IL2RB: variants seen among roughly 807,000 people sequenced by gnomAD.
IL2RB encodes the protein interleukin-2 receptor subunit beta.
Under a neutral mutation model 44.2 loss-of-function variants are expected in IL2RB, and 17 were observed. That is an observed-to-expected ratio of 0.38 (90% CI 0.26 to 0.58). The LOEUF (loss-of-function observed/expected upper bound fraction) is 0.58. IL2RB is among the 20% of genes least tolerant of loss of function. The pLI, the probability that IL2RB is intolerant of heterozygous loss-of-function variation, is 0.63. For synonymous variants in IL2RB, 286 were observed against 297.9 expected (o/e 0.96, Z 0.41); for missense variants, 624 against 685.5 (o/e 0.91, Z 1.00).
chr22:37,140,213 C>G (rs1410370778), intron 4 of IL2RB, among the ~76,000 whole-genome samples: 1 of 152,058 alleles, frequency 6.6e-6, no homozygotes, highest in African/African-American at 2.4e-5. Flanking sequence ...CAGTTCCTCT[C>G]CACCCTATAG....
intron 1 of IL2RB, among the ~76,000 whole-genome samples, chr22:37,158,476 T>A (rs1312087537): frequency 6.6e-6 from 1 of 152,038 alleles, no homozygotes; most frequent in Admixed American, 6.6e-5. Flanking sequence ...AAGAATCACT[T>A]GAACCCGGGA....
Position 37,144,700 on chromosome 22 carries a change from C to T in IL2RB, c.-33-495G>A, listed in dbSNP as rs190927177. Among the ~76,000 whole-genome samples the T allele has an allele frequency of 1.5e-4, 23 of 152,252 alleles. 1 individual carries two copies. The East Asian group carries it at 3.7e-3, about 24-fold the overall frequency. On this transcript the variant is annotated intron_variant, in intron 1 of 9. Coordinates refer to ENST00000216223, the MANE Select transcript of IL2RB (RefSeq NM_000878.5). The stretch of plus-strand genomic sequence containing the variant: ...CGGAGTTTGCAGTGAACCGAGATGG[C>T]ACCACTGCACTCCAGCCTGGACGAC...
intron 4 of IL2RB, 58 bp downstream of exon 4, chr22:37,142,376 A>C: frequency 6.6e-7 from 1 of 1,504,782 alleles, no homozygotes; most frequent in East Asian, 2.3e-5. Context: ...CTGAGATCGC[A>C]GCCCGGAGCT....
upstream of IL2RB, among the ~76,000 whole-genome samples, chr22:37,152,929 C>CTTTTTTTTTTTTTTT (rs67046193): frequency 1.1e-5 from 1 of 86,982 alleles, no homozygotes. Context: ...GCTGTGGCCT[C>CTTTTTTTTTTTTTTT]TTTTTTTTTT....
chr22:37,152,585 G>A (rs1248554951), upstream of IL2RB, among the ~76,000 whole-genome samples: 3 of 152,032 alleles, frequency 2.0e-5, no homozygotes, highest in Non-Finnish European at 2.9e-5. Flanking sequence ...GTTTGTTCTA[G>A]CTAGCACTTC....
intron 1 of IL2RB, among the ~76,000 whole-genome samples, chr22:37,158,417 C>T (rs960837744): frequency 6.6e-6 from 1 of 152,072 alleles, no homozygotes; most frequent in African/African-American, 2.4e-5. Flanking sequence ...ATTAGCCGGG[C>T]GTGGTGGTGG....
chr22:37,132,556 G>T, intron 8 of IL2RB, 88 bp from the exon 9 acceptor site: 1 of 842,232 alleles, frequency 1.2e-6, no homozygotes, highest in Non-Finnish European at 2.0e-6. Context: ...TGGATGCCAG[G>T]CACGGAGCCG....
In IL2RB at chr22:37,136,422, C is replaced by T. The variant is rs1249194554; in HGVS notation, c.538-29G>A. On this transcript the variant is annotated intron_variant, in intron 6 of 9. Coordinates refer to ENST00000216223, the MANE Select transcript of IL2RB (RefSeq NM_000878.5). ...GGTCGGAGACAGGACTGTCAGCGCC[C>T]ACCTCACCTCCCATGGCAGGGCCAG... 6 of 1,588,316 alleles carry T rather than the reference C, an allele frequency of 3.8e-6. No homozygotes were observed. The African/African-American group carries it at 5.4e-5, about 14-fold the overall frequency.
intron 1 of IL2RB, among the ~76,000 whole-genome samples, chr22:37,168,984 T>C (rs1923172734): frequency 6.6e-6 from 1 of 151,414 alleles, no homozygotes; most frequent in African/African-American, 2.4e-5. Context: ...TACAGAGGGG[T>C]CCTTGTTTAC....
At chr22:37,134,676 G>C (rs906300260) in intron 8 of IL2RB, among the ~76,000 whole-genome samples, 4 of 152,160 alleles carry the variant, frequency 2.6e-5, no homozygotes, top group African/African-American at 4.8e-5. Context: ...GTATCTGTAG[G>C]GGGTAGGGAG....
chr22:37,151,281 G>A (rs1922476074), upstream of IL2RB, among the ~76,000 whole-genome samples: 1 of 152,176 alleles, frequency 6.6e-6, no homozygotes, highest in African/African-American at 2.4e-5. Flanking sequence ...ACTGAGGTGA[G>A]ATAATATCTC....
At chr22:37,169,364 G>T (rs142894868) in intron 1 of IL2RB, among the ~76,000 whole-genome samples, 3,922 of 150,598 alleles carry the variant, frequency 0.026, 65 homozygotes, top group Non-Finnish European at 0.038. Context: ...TTACACAGGG[G>T]TTCTGTTTAC....
chr22:37,144,673 G>A (rs892492089), intron 1 of IL2RB, among the ~76,000 whole-genome samples: 8 of 152,138 alleles, frequency 5.3e-5, no homozygotes, highest in Non-Finnish European at 1.2e-4. Flanking sequence ...TGAACCTGGA[G>A]GCGGAGTTTG....
At chr22:37,173,045 G>T (rs1923342039) in intron 1 of IL2RB, among the ~76,000 whole-genome samples, 1 of 152,112 alleles carries the variant, frequency 6.6e-6, no homozygotes, top group African/African-American at 2.4e-5. Flanking sequence ...AATATCCCAG[G>T]TCCTGCAAAA....
At chr22:37,169,279 AGATGGATT>A (rs1398094582) in intron 1 of IL2RB, among the ~76,000 whole-genome samples, 3 of 146,096 alleles carry the variant, frequency 2.1e-5, no homozygotes, top group African/African-American at 8.1e-5. Context: ...TCTTGCTTAC[AGATGGATT>A]CTGTTTACAG....
intron 1 of IL2RB, among the ~76,000 whole-genome samples, chr22:37,148,912 C>T (rs1038187224): frequency 2.2e-4 from 34 of 152,076 alleles, no homozygotes; most frequent in Admixed American, 1.9e-3. Context: ...GACCTCTGAA[C>T]TCAATGGGGC....
intron 5 of IL2RB, 43 bp from the exon 6 acceptor site, chr22:37,137,778 T>C (rs1440343909): frequency 1.3e-6 from 2 of 1,566,334 alleles, no homozygotes; most frequent in Non-Finnish European, 1.8e-6. Flanking sequence ...AGCCATGACC[T>C]CCACCTCCCA....
chr22:37,151,921 G>A (rs1196222953), upstream of IL2RB, among the ~76,000 whole-genome samples: 1 of 152,112 alleles, frequency 6.6e-6, no homozygotes, highest in Non-Finnish European at 1.5e-5. Flanking sequence ...ATGGTTCATT[G>A]GTCAATGCAT....
chr22:37,147,227 C>G lies in IL2RB; in HGVS notation c.-34+2598G>C, dbSNP rs3218346. ...AATCAGGGCCTCTGGCGGGGATACTCTTATTATCCCCATTTTCCAATGAGG... is the reference window on the plus strand; with the variant it reads ...AATCAGGGCCTCTGGCGGGGATACTGTTATTATCCCCATTTTCCAATGAGG... On this transcript the variant is annotated intron_variant, in intron 1 of 9. Coordinates refer to ENST00000216223, the MANE Select transcript of IL2RB (RefSeq NM_000878.5). 4.2e-3 allele frequency among the ~76,000 whole-genome samples: 643 copies of G among 152,308 alleles called. 1 individual carries two copies. Among genetic ancestry groups the G allele is most frequent in the Middle Eastern group, 0.01 (3 of 294 alleles).
Sources: gnomAD v4.1 joint callset for allele counts (sites outside exome capture counted in the v4.1 genomes callset) on GRCh38, gnomAD v4.1.1 for gene constraint, MANE v1.5 for transcripts, NCBI Gene and HGNC (gene_info 2026-07-23, HGNC 2026-07-21) for gene names.